The following SPPL3 variants were observed in gnomAD, a reference collection of about 807,000 sequenced individuals.
SPPL3 encodes the protein signal peptide peptidase like 3.
A neutral mutation model predicts 42.4 loss-of-function variants in SPPL3; 5 were observed. The ratio of observed to expected loss-of-function variants is 0.12; its 90% CI spans 0.06 to 0.25. The LOEUF (loss-of-function observed/expected upper bound fraction) is 0.25. Ranked by LOEUF, SPPL3 falls within the 10% of genes least tolerant of loss-of-function variation. The pLI is 1.00. For missense variants in SPPL3, 235 were observed against 489.0 expected (o/e 0.48, Z 4.90); for synonymous variants, 195 against 181.8 (o/e 1.07, Z -0.58).
intron 1 of SPPL3, among the ~76,000 whole-genome samples, chr12:120,895,953 C>T (rs914439499): frequency 6.6e-6 from 1 of 152,122 alleles, no homozygotes; most frequent in African/African-American, 2.4e-5. Context: ...CATAACACAA[C>T]TGAATACTTT....
rs187809035 is a variant in SPPL3 at position 120,857,613 on chromosome 12, G to T, written c.23+46232C>A. On this transcript the variant is annotated intron_variant, in intron 1 of 10. Coordinates refer to ENST00000353487, the MANE Select transcript of SPPL3 (RefSeq NM_139015.5). Reference sequence around the variant, plus strand: ...TGCTAGACTGGATAAAGAAAATGTGGTACATATACACTACTATGCAGCCAT... The same window carrying T: ...TGCTAGACTGGATAAAGAAAATGTGTTACATATACACTACTATGCAGCCAT... Among the ~76,000 whole-genome samples the T allele has an allele frequency of 5.2e-3, 787 of 152,288 alleles. 9 individuals carry two copies. Among genetic ancestry groups the T allele is most frequent in the African/African-American group, 0.017 (716 of 41,556 alleles).
chr12:120,821,533 A>G (rs969706802), intron 1 of SPPL3, among the ~76,000 whole-genome samples: 8 of 151,368 alleles, frequency 5.3e-5, no homozygotes, highest in African/African-American at 1.9e-4. Flanking sequence ...TTATTTACAG[A>G]AAAAAAAAAT....
At chr12:120,812,479 TGG>T (rs1278698433) in intron 1 of SPPL3, among the ~76,000 whole-genome samples, 2 of 152,154 alleles carry the variant, frequency 1.3e-5, no homozygotes, top group Non-Finnish European at 2.9e-5. Flanking sequence ...AGGAGACAAG[TGG>T]ATATTGAAAC....
chr12:120,899,102 T>G (rs1873894606), intron 1 of SPPL3, among the ~76,000 whole-genome samples: 1 of 152,254 alleles, frequency 6.6e-6, no homozygotes, highest in Non-Finnish European at 1.5e-5. Flanking sequence ...CAATCTGTGT[T>G]TTCACATGCA....
At position 120,798,820 on chromosome 12, in the gene SPPL3, T is replaced by C. The variant is rs1299588013; in HGVS notation, c.102-7263A>G. Among the ~76,000 whole-genome samples the C allele has an allele frequency of 2.0e-5, 3 of 152,202 alleles. 1 individual carries two copies. The East Asian group carries it at 5.8e-4, about 29-fold the overall frequency. On this transcript the variant is annotated intron_variant, in intron 2 of 10. Transcript: ENST00000353487. ...CACAGATTGCCAGCTTCTCTTACTTTTTCTGTTGGCATTATATCGCTATTC... is the reference window on the plus strand; with the variant it reads ...CACAGATTGCCAGCTTCTCTTACTTCTTCTGTTGGCATTATATCGCTATTC...
At chr12:120,825,891 G>A (rs1380370447) in intron 1 of SPPL3, among the ~76,000 whole-genome samples, 2 of 144,474 alleles carry the variant, frequency 1.4e-5, no homozygotes, top group African/African-American at 4.9e-5. Flanking sequence ...GTGGAAAGAG[G>A]AGGTGCTATA....
intron 1 of SPPL3, among the ~76,000 whole-genome samples, chr12:120,866,042 C>A (rs1872745501): frequency 6.6e-6 from 1 of 152,218 alleles, no homozygotes; most frequent in Admixed American, 6.5e-5. Flanking sequence ...ATTCCCATCA[C>A]ACTCAGGTGG....
intron 2 of SPPL3, among the ~76,000 whole-genome samples, chr12:120,795,508 A>G (rs949887539): frequency 6.6e-6 from 1 of 152,226 alleles, no homozygotes; most frequent in African/African-American, 2.4e-5. Context: ...AGAATCTTAC[A>G]GTGACAGTTT....
intron 1 of SPPL3, chr12:120,902,079 T>C (rs1873999918): frequency 4.8e-6 from 1 of 209,372 alleles, no homozygotes; most frequent in Non-Finnish European, 8.3e-6. Flanking sequence ...CTTCATTTCT[T>C]ACTCTGTCCA....
rs1296997212 is a variant in SPPL3 at position 120,763,573 on chromosome 12, T to C, written c.*1426A>G. The C allele has an allele frequency of 6.5e-6, 1 of 152,748 alleles. No individual in the cohort carries two copies. Among genetic ancestry groups the C allele is most frequent in the Non-Finnish European group, 1.5e-5 (1 of 68,092 alleles). 9.5% of individuals were successfully genotyped at this position (152,748 alleles called of 1,614,324 possible). A position where few individuals can be genotyped will look rare whatever the true frequency, so the allele number is the denominator to read the frequency against. Reference sequence around the variant, plus strand: ...ACCTTCTTACCAGGCAGGGGCTGCTTAGGTAAAGGTCAGCAGACCTAACAC... The same window carrying C: ...ACCTTCTTACCAGGCAGGGGCTGCTCAGGTAAAGGTCAGCAGACCTAACAC... On this transcript the variant is annotated 3_prime_UTR_variant, in exon 11 of 11. Coordinates refer to ENST00000353487, the MANE Select transcript of SPPL3 (RefSeq NM_139015.5).
intron 3 of SPPL3, among the ~76,000 whole-genome samples, chr12:120,787,914 C>T (rs76605718): frequency 0.01 from 1,530 of 152,264 alleles, 21 homozygotes; most frequent in African/African-American, 0.035. Flanking sequence ...ATCCATTCTA[C>T]GGTTGACATT....
intron 1 of SPPL3, among the ~76,000 whole-genome samples, 182 bp downstream of exon 1, chr12:120,903,663 C>T (rs1874055293): frequency 6.6e-6 from 1 of 152,294 alleles, no homozygotes; most frequent in South Asian, 2.1e-4. Context: ...TCCCCGGCCA[C>T]TCACCGCCCT....
At chr12:120,773,394 G>A (rs748014077) in intron 6 of SPPL3, among the ~76,000 whole-genome samples, 9 of 152,194 alleles carry the variant, frequency 5.9e-5, no homozygotes, top group Non-Finnish European at 1.2e-4. Context: ...TGGACTTACA[G>A]GTGAATACAT....
intron 1 of SPPL3, among the ~76,000 whole-genome samples, chr12:120,843,245 TTCTG>T (rs1300548838): frequency 6.6e-6 from 1 of 152,220 alleles, no homozygotes; most frequent in African/African-American, 2.4e-5. Flanking sequence ...GCTATCCCCA[TTCTG>T]TCTTAGAAAA....
In SPPL3 at chr12:120,810,896, T is replaced by C. The variant is rs776135545; in HGVS notation, c.24-10A>G. ...CACCAGGGAATAGGCCCTAGAGAAA[T>C]AAGAGGAAAAAAATTTAAATCACAT... On this transcript the variant is annotated splice_polypyrimidine_tract_variant and intron_variant, in intron 1 of 10. Coordinates refer to ENST00000353487, the MANE Select transcript of SPPL3 (RefSeq NM_139015.5). 2 of 1,608,262 alleles carry C rather than the reference T, an allele frequency of 1.2e-6. No homozygotes were observed. Among genetic ancestry groups the C allele is most frequent in the African/African-American group, 1.3e-5 (1 of 74,772 alleles).
At chr12:120,880,725 T>G (rs1873252257) in intron 1 of SPPL3, among the ~76,000 whole-genome samples, 1 of 149,120 alleles carries the variant, frequency 6.7e-6, no homozygotes, top group South Asian at 2.1e-4. Flanking sequence ...AGGCAGAGGT[T>G]GCAGTGAGCC....
chr12:120,853,620 T>A (rs979161494), intron 1 of SPPL3, among the ~76,000 whole-genome samples: 1 of 152,134 alleles, frequency 6.6e-6, no homozygotes, highest in Non-Finnish European at 1.5e-5. Context: ...AATTCATGGA[T>A]CTTCTAGACC....
intron 5 of SPPL3, 36 bp downstream of exon 5, chr12:120,783,638 A>C (rs749823706): frequency 1.3e-6 from 2 of 1,536,590 alleles, no homozygotes. Context: ...AATATATACA[A>C]GTTTATAATT....
chr12:120,821,822 G>A (rs1030226448), intron 1 of SPPL3, among the ~76,000 whole-genome samples: 1 of 152,182 alleles, frequency 6.6e-6, no homozygotes, highest in African/African-American at 2.4e-5. Flanking sequence ...TGAATAATGG[G>A]TTGGGTTGGG....
Sources: gnomAD v4.1 joint callset for allele counts (sites outside exome capture counted in the v4.1 genomes callset) on GRCh38, gnomAD v4.1.1 for gene constraint, MANE v1.5 for transcripts, NCBI Gene and HGNC (gene_info 2026-07-23, HGNC 2026-07-21) for gene names.